The following RIF1 variants were observed in gnomAD, a reference collection of about 807,000 sequenced individuals.
RIF1 encodes replication timing regulatory factor 1.
Under a neutral mutation model 247.1 loss-of-function variants are expected in RIF1, and 45 were observed. The ratio of observed to expected loss-of-function variants is 0.18; its 90% CI spans 0.14 to 0.23. The LOEUF (loss-of-function observed/expected upper bound fraction) is 0.23. Ranked by LOEUF, RIF1 falls within the 10% of genes least tolerant of loss-of-function variation. RIF1 has a pLI of 1.00. For synonymous variants in RIF1, 1,087 were observed against 978.8 expected (o/e 1.11, Z -2.06); for missense variants, 2,967 against 2,862.5 (o/e 1.04, Z -0.83).
intron 20 of RIF1, among the ~76,000 whole-genome samples, chr2:151,447,229 C>A (rs1693466714): frequency 6.6e-6 from 1 of 152,244 alleles, no homozygotes; most frequent in African/African-American, 2.4e-5. Context: ...AGGCGTGAGC[C>A]ACCGCGCCCG....
chr2:151,472,918 A>G (rs528484496), intron 34 of RIF1, among the ~76,000 whole-genome samples: 31 of 152,188 alleles, frequency 2.0e-4, no homozygotes, highest in African/African-American at 2.9e-4. Flanking sequence ...CTCTTTTTCT[A>G]TTGATTGGAA....
At chr2:151,504,535 G>A (rs1414537568) in intron 12 of RIF1, among the ~76,000 whole-genome samples, 3 of 152,134 alleles carry the variant, frequency 2.0e-5, no homozygotes, top group Admixed American at 2.0e-4. Flanking sequence ...GAGTGAGAAG[G>A]GAATGAGATC....
At position 151,492,139 on chromosome 2, in the gene RIF1, A is replaced by T. The variant is rs1168048800; in HGVS notation, c.*416-3090A>T. 1 of 1,613,504 alleles carries T rather than the reference A, an allele frequency of 6.2e-7. No individual in the cohort carries two copies. Among genetic ancestry groups the T allele is most frequent in the Non-Finnish European group, 8.5e-7 (1 of 1,179,814 alleles). On this transcript the variant is annotated intron_variant and NMD_transcript_variant, in intron 9 of 13. Transcript: ENST00000454583. ...ATCTTGGTCATTCCGTTTTTGTTCC[A>T]TTTCTACCACTTTCCTCTGAATACC...
chr2:151,515,509 A>C, the RIF1 span, among the ~76,000 whole-genome samples: 2 of 152,076 alleles, frequency 1.3e-5, no homozygotes, highest in East Asian at 1.9e-4. Context: ...CACCACACTG[A>C]GTTTTGACCT....
At chr2:151,512,224 T>TA (rs1264020016), downstream of RIF1, among the ~76,000 whole-genome samples, 6 of 151,922 alleles carry the variant, frequency 3.9e-5, no homozygotes, top group Non-Finnish European at 7.4e-5. Context: ...TTAGTAGAGA[T>TA]AGAGTTTCAC....
chr2:151,530,850 T>C, the RIF1 span: 1 of 594,476 alleles, frequency 1.7e-6, no homozygotes. Context: ...TACCGAATCA[T>C]GAGCAAAAGA....
the RIF1 span, among the ~76,000 whole-genome samples, chr2:151,526,508 C>T: frequency 0.013 from 2,044 of 152,236 alleles, 30 homozygotes; most frequent in Non-Finnish European, 0.02. Flanking sequence ...GTTCACAGCA[C>T]GCTCAGATAT....
At position 151,474,922 on chromosome 2, in the gene RIF1, C is replaced by A; in HGVS notation, c.7270C>A (p.Leu2424Ile). 6.2e-7 allele frequency: 1 copy of A among 1,609,150 alleles called. No individual in the cohort carries two copies. The highest frequency in any genetic ancestry group is 1.1e-5 in the South Asian group (1 of 91,012). ...SKNLLAQISA[L>I]ALQLDSEDLH... ...AAACCTTCTGGCACAGATTAGTGCTCTTGCTCTTCAGCTGGATTCAGAAGA... is the reference window on the plus strand; with the variant it reads ...AAACCTTCTGGCACAGATTAGTGCTATTGCTCTTCAGCTGGATTCAGAAGA... The change falls in exon 36 of 36, where the codon CTT becomes ATT. Residue 2424 changes from leucine (L) to isoleucine (I), a missense_variant. By Grantham distance (5) the Leu-to-Ile change is conservative. This residue lies in a region of RIF1 where 151 missense variants were observed against 163.4 expected (regional missense o/e 0.92). Transcript: ENST00000444746.
chr2:151,433,655 A>G (rs912663501), intron 10 of RIF1, among the ~76,000 whole-genome samples: 1 of 151,724 alleles, frequency 6.6e-6, no homozygotes, highest in Non-Finnish European at 1.5e-5. Flanking sequence ...GGGTTTTACC[A>G]TGGTGGCCAG....
chr2:151,508,954 A>T (rs1341538185), downstream of RIF1, among the ~76,000 whole-genome samples: 1 of 152,164 alleles, frequency 6.6e-6, no homozygotes, highest in African/African-American at 2.4e-5. Flanking sequence ...ATCGCTTGTC[A>T]CTGTCCTTTC....
chr2:151,465,844 T>G lies in RIF1; in HGVS notation c.6324T>G (p.Asp2108Glu), dbSNP rs1696796324. ...LDNNQMVMESDILQEDHHTSQ... is the reference protein window; with the variant it reads ...LDNNQMVMESEILQEDHHTSQ... ...ACAATCAAATGGTAATGGAAAGTGATATTTTACAGGAAGATCACCATACTT... is the reference window on the plus strand; with the variant it reads ...ACAATCAAATGGTAATGGAAAGTGAGATTTTACAGGAAGATCACCATACTT... The change falls in exon 30 of 36, where the codon GAT becomes GAG. Residue 2108 changes from aspartate to glutamate, a missense_variant. Asp to Glu is a conservative substitution (Grantham distance 45). Coordinates refer to ENST00000444746, the MANE Select transcript of RIF1 (RefSeq NM_018151.5). 1 of 1,613,382 alleles carries G rather than the reference T, an allele frequency of 6.2e-7. No homozygotes were observed. The highest frequency in any genetic ancestry group is 1.3e-5 in the African/African-American group (1 of 75,042).
At chr2:151,484,607 A>G (rs1352984311), downstream of RIF1, among the ~76,000 whole-genome samples, 4 of 152,234 alleles carry the variant, frequency 2.6e-5, no homozygotes, top group South Asian at 6.2e-4. Context: ...AAACAAAAAA[A>G]TGGCTCATTG....
chr2:151,439,342 T>C (rs1327586897), intron 14 of RIF1, among the ~76,000 whole-genome samples: 1 of 152,114 alleles, frequency 6.6e-6, no homozygotes, highest in Non-Finnish European at 1.5e-5. Flanking sequence ...GCTCTCTGTA[T>C]AGTCATCTCT....
intron 30 of RIF1, 73 bp downstream of exon 30, chr2:151,466,193 G>T: frequency 1.3e-6 from 1 of 778,010 alleles, no homozygotes; most frequent in South Asian, 1.9e-5. Context: ...AGTGACCTCT[G>T]GTGAATGACA....
the RIF1 span, among the ~76,000 whole-genome samples, chr2:151,514,023 C>T: frequency 2.0e-5 from 3 of 152,198 alleles, no homozygotes; most frequent in African/African-American, 4.8e-5. Context: ...GTGCACACCA[C>T]TCCAGTGTAG....
In RIF1 at chr2:151,428,828, A is replaced by G. The variant is rs1689569665; in HGVS notation, c.831A>G (p.Leu277=). The G allele has an allele frequency of 1.3e-6, 2 of 1,597,856 alleles. No individual in the cohort carries two copies. Among genetic ancestry groups the G allele is most frequent in the East Asian group, 2.2e-5 (1 of 44,688 alleles). ...GTTTCATCAATTCTCTCTTGCAACT[A>G]GAAGAACTTGGATTTCGTAGTGGAG... ...SGSFINSLLQ[L]EELGFRSGAP... is the part of the protein sequence containing the mutation. The change falls in exon 9 of 36, where the codon CTA becomes CTG. Residue 277 remains leucine, a synonymous_variant. Coordinates refer to ENST00000444746, the MANE Select transcript of RIF1 (RefSeq NM_018151.5).
chr2:151,439,769 A>G (rs1691924532), intron 14 of RIF1, among the ~76,000 whole-genome samples: 1 of 151,396 alleles, frequency 6.6e-6, no homozygotes, highest in South Asian at 2.1e-4. Flanking sequence ...GGATCACCTG[A>G]GGTCAGGAGT....
chr2:151,419,501 T>C (rs966742069), intron 6 of RIF1, among the ~76,000 whole-genome samples: 2 of 151,948 alleles, frequency 1.3e-5, no homozygotes, highest in Non-Finnish European at 2.9e-5. Flanking sequence ...AATTGTTGTA[T>C]TTTTAGAAGA....
the RIF1 span, among the ~76,000 whole-genome samples, chr2:151,521,576 AAAG>A: frequency 6.6e-6 from 1 of 152,230 alleles, no homozygotes; most frequent in Non-Finnish European, 1.5e-5. Flanking sequence ...GTAGGGAAGA[AAAG>A]AAGCAAAAGC....
Sources: gnomAD v4.1 joint callset for allele counts (sites outside exome capture counted in the v4.1 genomes callset) on GRCh38, gnomAD v4.1.1 for gene constraint, gnomAD v4.1.1 regional missense constraint, MANE v1.5 for transcripts, NCBI Gene and HGNC (gene_info 2026-07-23, HGNC 2026-07-21) for gene names.